PCCA: variants seen among roughly 807,000 people sequenced by gnomAD.
PCCA encodes propionyl-CoA carboxylase subunit alpha, also known as propionyl-CoA carboxylase alpha chain, mitochondrial.
Under a neutral mutation model 101.3 loss-of-function variants are expected in PCCA, and 74 were observed. The ratio of observed to expected loss-of-function variants is 0.73; its 90% CI spans 0.61 to 0.89. The LOEUF is 0.89. Ranked by LOEUF, PCCA falls within the 40% of genes least tolerant of loss-of-function variation. The pLI is 0.00. For synonymous variants in PCCA, 294 were observed against 313.6 expected (o/e 0.94, Z 0.66); for missense variants, 891 against 907.0 (o/e 0.98, Z 0.23).
At chr13:100,257,813 A>C in intron 9 of PCCA, 140 bp downstream of exon 9, 1 of 687,552 alleles carries the variant, frequency 1.5e-6, no homozygotes, top group East Asian at 2.7e-5. Flanking sequence ...AATGGGAAAA[A>C]GATTGAAATT....
Position 100,235,867 on chromosome 13 carries a change from C to A in PCCA, c.626C>A (p.Ala209Glu). The change falls in exon 8 of 24, where the codon GCA becomes GAA. Residue 209 changes from alanine (A) to glutamate (E), a missense_variant. Ala to Glu is a moderately radical substitution (Grantham distance 107, BLOSUM62 -1). Transcript: ENST00000376285. The stretch of plus-strand genomic sequence containing the variant: ...GATGCAGAAGAAGCTGTCAGAATTG[C>A]AAGGGAAATTGGTAAGTCCTTAAAT... ...VKDAEEAVRI[A>E]REIGYPVMIK... 6.2e-7 allele frequency: 1 copy of A among 1,605,848 alleles called. No homozygotes were observed. Among genetic ancestry groups the A allele is most frequent in the Non-Finnish European group, 8.5e-7 (1 of 1,172,622 alleles).
At chr13:100,177,567 T>C (rs192619371) in intron 6 of PCCA, among the ~76,000 whole-genome samples, 56 of 152,340 alleles carry the variant, frequency 3.7e-4, no homozygotes, top group Non-Finnish European at 7.1e-4. Flanking sequence ...TATTCTGTTA[T>C]ACACATTCAT....
intron 8 of PCCA, among the ~76,000 whole-genome samples, chr13:100,256,266 A>C (rs554812088): frequency 6.6e-6 from 1 of 151,980 alleles, no homozygotes; most frequent in Non-Finnish European, 1.5e-5. Context: ...CAGCCTCCCA[A>C]AGTGCTGGGA....
At chr13:100,340,577 A>T (rs980829949) in intron 18 of PCCA, among the ~76,000 whole-genome samples, 1 of 152,174 alleles carries the variant, frequency 6.6e-6, no homozygotes, top group African/African-American at 2.4e-5. Flanking sequence ...ATCTTGAAAA[A>T]CGTTTGGAGA....
chr13:100,176,567 T>C (rs1259286009), intron 6 of PCCA, among the ~76,000 whole-genome samples: 1 of 152,226 alleles, frequency 6.6e-6, no homozygotes, highest in East Asian at 1.9e-4. Flanking sequence ...AACTTGCAGC[T>C]TAAGAGAATT....
chr13:100,337,123 C>T (rs556700624), intron 17 of PCCA, among the ~76,000 whole-genome samples: 95 of 152,218 alleles, frequency 6.2e-4, no homozygotes, highest in Admixed American at 2.7e-3. Context: ...ATACTTACCG[C>T]GCCCCCAAGT....
intron 1 of PCCA, among the ~76,000 whole-genome samples, chr13:100,097,253 G>A (rs558896358): frequency 1.6e-3 from 240 of 152,052 alleles, no homozygotes; most frequent in Non-Finnish European, 2.7e-3. Context: ...TGGAGGAGAG[G>A]GGATGGGAGT....
chr13:100,302,848 C>T (rs2066168701), intron 13 of PCCA, 76 bp from the exon 14 acceptor site: 4 of 846,068 alleles, frequency 4.7e-6, no homozygotes, highest in South Asian at 4.0e-5. Context: ...AATGGTTCTT[C>T]ATTGTGTAAA....
chr13:100,368,304 C>A (rs1172550189), intron 18 of PCCA, among the ~76,000 whole-genome samples, 168 bp from the exon 19 acceptor site: 1 of 152,014 alleles, frequency 6.6e-6, no homozygotes. Context: ...AACAATTAGG[C>A]AATTCAAATT....
chr13:100,218,794 A>G (rs1229876983), intron 7 of PCCA, among the ~76,000 whole-genome samples: 2 of 152,220 alleles, frequency 1.3e-5, no homozygotes, highest in Admixed American at 6.5e-5. Context: ...TCTTGTGATT[A>G]TGTTTCATTA....
At position 100,523,833 on chromosome 13, in the gene PCCA, T is replaced by C. The variant is rs187380608; in HGVS notation, c.2041-3842T>C. On this transcript the variant is annotated intron_variant, in intron 22 of 23. Coordinates refer to ENST00000376285, the MANE Select transcript of PCCA (RefSeq NM_000282.4). ...TTGTGACCATTTTGTAAGCCCAACA[T>C]TGGAGACATCCTGTCACAATCATTA... Among the ~76,000 whole-genome samples the C allele has an allele frequency of 3.4e-3, 524 of 152,360 alleles. 6 individuals carry two copies. Among genetic ancestry groups the C allele is most frequent in the African/African-American group, 0.012 (499 of 41,578 alleles).
rs3058405 is a variant in PCCA at position 100,494,189 on chromosome 13, AAAAT to A, written c.1900-21214_1900-21211del. Reference sequence around the variant, plus strand: ...GGTGACAGAGGAGACTCTGTCTCAAAAAATAAATAAATAAATAAATAAATAAAGG... The same window carrying A: ...GGTGACAGAGGAGACTCTGTCTCAAAAAATAAATAAATAAATAAATAAAGG... On this transcript the variant is annotated intron_variant, in intron 21 of 23. Coordinates refer to ENST00000376285, the MANE Select transcript of PCCA (RefSeq NM_000282.4). 2.4e-4 allele frequency among the ~76,000 whole-genome samples: 36 copies of A among 151,964 alleles called. 1 individual carries two copies. The South Asian group carries it at 3.3e-3, about 14-fold the overall frequency.
At position 100,273,233 on chromosome 13, in the gene PCCA, G is replaced by C. The variant is rs757842931; in HGVS notation, c.952G>C (p.Glu318Gln). The C allele has an allele frequency of 6.2e-7, 1 of 1,612,608 alleles. No individual in the cohort carries two copies. The highest frequency in any genetic ancestry group is 8.5e-7 in the Non-Finnish European group (1 of 1,178,644). Reference protein sequence around the residue: ...LDAETRRAMGEQAVALARAVK... With the variant: ...LDAETRRAMGQQAVALARAVK... ...TGCGGAGACTCGAAGAGCGATGGGA[G>C]AACAAGCTGTAGCTCTTGCCAGAGC... Residue 318 changes from glutamate to glutamine, a missense_variant, in exon 12 of 24, where the codon GAA (glutamate) becomes CAA (glutamine). Coordinates refer to ENST00000376285, the MANE Select transcript of PCCA (RefSeq NM_000282.4).
chr13:100,161,112 G>A (rs1158611016), intron 6 of PCCA: 4 of 152,172 alleles, frequency 2.6e-5, no homozygotes, highest in Non-Finnish European at 4.4e-5. Context: ...TCTTTCTTGA[G>A]TTTTTAGCAA....
At chr13:100,164,548 G>A (rs988605511) in intron 6 of PCCA, among the ~76,000 whole-genome samples, 4 of 152,118 alleles carry the variant, frequency 2.6e-5, no homozygotes, top group African/African-American at 9.7e-5. Context: ...TGACTCTTAT[G>A]TAGTTGGGTA....
chr13:100,465,293 A>G (rs566564695), intron 21 of PCCA, among the ~76,000 whole-genome samples: 1 of 152,336 alleles, frequency 6.6e-6, no homozygotes, highest in African/African-American at 2.4e-5. Context: ...CAAAAGACAC[A>G]TGATATTCCT....
In PCCA at chr13:100,330,609, G is replaced by A. The variant is rs755120963; in HGVS notation, c.1478G>A (p.Arg493His). The change falls in exon 17 of 24, where the codon CGC (arginine) becomes CAC (histidine). Residue 493 changes from arginine to histidine, a missense_variant. Arg to His is a conservative substitution (Grantham distance 29). Transcript: ENST00000376285. ...CTTCGAGAGGTGATAATCAACTCAC[G>A]CTTTGTAAAAGGAGACATCAGCACT... ...ALLREVIINS[R>H]FVKGDISTKF... 4.2e-5 allele frequency: 67 copies of A among 1,612,892 alleles called. No individual in the cohort carries two copies. Among genetic ancestry groups the A allele is most frequent in the Non-Finnish European group, 4.7e-5 (56 of 1,179,264 alleles).
intron 21 of PCCA, among the ~76,000 whole-genome samples, chr13:100,468,628 C>A (rs904365370): frequency 6.6e-6 from 1 of 152,180 alleles, no homozygotes; most frequent in East Asian, 1.9e-4. Context: ...GCAGCTTCCT[C>A]GCCTCTCTCA....
chr13:100,427,724 C>T (rs931771475), intron 20 of PCCA, among the ~76,000 whole-genome samples: 6 of 145,606 alleles, frequency 4.1e-5, no homozygotes, highest in South Asian at 2.2e-4. Context: ...GAAAAACAGT[C>T]GTTTACCTAA....
Sources: gnomAD v4.1 joint callset for allele counts (sites outside exome capture counted in the v4.1 genomes callset) on GRCh38, gnomAD v4.1.1 for gene constraint, MANE v1.5 for transcripts, NCBI Gene and HGNC (gene_info 2026-07-23, HGNC 2026-07-21) for gene names.